Variants in NLRP5 observed in about 807,000 individuals in gnomAD.
NLRP5 encodes the protein NLR family pyrin domain containing 5.
A neutral mutation model predicts 113.1 loss-of-function variants in NLRP5; 93 were observed. The observed-to-expected ratio is 0.82, with a 90% CI of 0.70 to 0.98. The LOEUF (loss-of-function observed/expected upper bound fraction) is 0.98, where lower values mean the gene tolerates loss of function less well. Ranked by LOEUF, NLRP5 falls within the 50% of genes least tolerant of loss-of-function variation. The pLI is 0.00. For missense variants in NLRP5, 1,808 were observed against 1,514.3 expected (o/e 1.19, Z -3.22); for synonymous variants, 751 against 600.7 (o/e 1.25, Z -3.66).
At chr19:55,993,098 C>T in the NLRP5 span, among the ~76,000 whole-genome samples, 1 of 151,900 alleles carries the variant, frequency 6.6e-6, no homozygotes, top group Non-Finnish European at 1.5e-5. Context: ...ATCCACCCAC[C>T]TCGGCCTCCC....
intron 12 of NLRP5, among the ~76,000 whole-genome samples, chr19:56,052,629 T>G (rs1012914860): frequency 3.3e-5 from 5 of 152,122 alleles, no homozygotes; most frequent in Non-Finnish European, 7.4e-5. Flanking sequence ...CCCTCCCCAG[T>G]GCTATCATCC....
chr19:56,008,875 G>T, intron 3 of NLRP5, 22 bp downstream of exon 3: 1 of 1,605,156 alleles, frequency 6.2e-7, no homozygotes, highest in Non-Finnish European at 8.5e-7. Flanking sequence ...GGAGTTGGGG[G>T]AAATAGGATG....
chr19:56,030,456 T>TG (rs1479822738), intron 7 of NLRP5, among the ~76,000 whole-genome samples: 4 of 152,144 alleles, frequency 2.6e-5, no homozygotes, highest in East Asian at 3.9e-4. Context: ...TACCTTTGGT[T>TG]GGAAAACAAG....
chr19:56,015,690 G>C (rs1334783536), intron 3 of NLRP5, 52 bp from the exon 4 acceptor site: 6 of 1,431,630 alleles, frequency 4.2e-6, no homozygotes, highest in Non-Finnish European at 5.7e-6. Flanking sequence ...TCTCTGATTT[G>C]AATAATATAC....
chr19:56,057,378 GA>G (rs1402837851), intron 13 of NLRP5, among the ~76,000 whole-genome samples: 1 of 148,126 alleles, frequency 6.8e-6, no homozygotes, highest in Non-Finnish European at 1.5e-5. Flanking sequence ...CTCTTAAGAT[GA>G]AATTCTAAAC....
At chr19:56,058,558 G>A in intron 14 of NLRP5, 148 bp downstream of exon 14, 1 of 661,660 alleles carries the variant, frequency 1.5e-6, no homozygotes, top group Non-Finnish European at 2.5e-6. Context: ...TACGTTCTGA[G>A]TACCATGCTG....
chr19:55,987,868 C>T, the NLRP5 span: 147 of 1,613,980 alleles, frequency 9.1e-5, no homozygotes, highest in Non-Finnish European at 1.1e-4. Context: ...CTCACCCACC[C>T]GACTTCACGG....
intron 3 of NLRP5, among the ~76,000 whole-genome samples, chr19:56,009,701 C>T (rs1030439941): frequency 1.3e-5 from 2 of 152,158 alleles, no homozygotes; most frequent in Non-Finnish European, 2.9e-5. Context: ...TGCATAGACA[C>T]CATGAATTCT....
chr19:56,023,095 C>A (rs1341111985), intron 6 of NLRP5, among the ~76,000 whole-genome samples: 1 of 152,166 alleles, frequency 6.6e-6, no homozygotes, highest in Admixed American at 6.5e-5. Flanking sequence ...GAGTTAGACA[C>A]ACAAGTCTGG....
chr19:56,029,615 A>G (rs976789225), intron 7 of NLRP5, among the ~76,000 whole-genome samples: 5 of 152,282 alleles, frequency 3.3e-5, no homozygotes, highest in Admixed American at 3.3e-4. Context: ...TGAATAGTGC[A>G]GGTCTAGAAA....
chr19:56,005,196 TATACAC>T lies in NLRP5; in HGVS notation c.442+1115_442+1120del, dbSNP rs1168290976. Among the ~76,000 whole-genome samples the T allele has an allele frequency of 3.2e-3, 443 of 140,010 alleles. 1 individual carries two copies. The highest frequency in any genetic ancestry group is 4.7e-3 in the Non-Finnish European group (307 of 65,448). 91.9% of individuals were successfully genotyped at this position (140,010 alleles called of 152,430 possible). A position where few individuals can be genotyped will look rare whatever the true frequency, so the allele number is the denominator to read the frequency against. On this transcript the variant is annotated intron_variant, in intron 2 of 14. Transcript: ENST00000390649. ...TTTTATATATACACACATATTTTTA[TATACAC>T]ATACACATACACACATATACACATA...
intron 6 of NLRP5, among the ~76,000 whole-genome samples, chr19:56,024,346 AAAAAAAAAAAG>A (rs1234191397): frequency 1.4e-5 from 2 of 144,452 alleles, no homozygotes; most frequent in African/African-American, 5.1e-5. Flanking sequence ...TGCTTAAAAA[AAAAAAAAAAAG>A]AACAAATATA....
intron 11 of NLRP5, among the ~76,000 whole-genome samples, chr19:56,045,467 GGTTA>G (rs1983687874): frequency 6.6e-6 from 1 of 151,942 alleles, no homozygotes; most frequent in African/African-American, 2.4e-5. Flanking sequence ...ACAACATGCA[GGTTA>G]GTTACATATG....
At chr19:56,052,110 C>G (rs930393502) in intron 12 of NLRP5, among the ~76,000 whole-genome samples, 10 of 152,180 alleles carry the variant, frequency 6.6e-5, no homozygotes, top group Admixed American at 5.9e-4. Flanking sequence ...GCGCCAATGA[C>G]TAGGTCACCC....
intron 1 of NLRP5, 109 bp from the exon 2 acceptor site, chr19:56,003,627 A>G: frequency 1.5e-6 from 2 of 1,301,448 alleles, no homozygotes; most frequent in Non-Finnish European, 2.1e-6. Context: ...TCGTCCATGA[A>G]GAATTGAAAA....
intron 4 of NLRP5, chr19:56,018,633 G>C (rs1355894083): frequency 6.6e-6 from 1 of 152,076 alleles, no homozygotes; most frequent in African/African-American, 2.4e-5. Flanking sequence ...GTATTGCTGA[G>C]ACTACAATGC....
chr19:55,999,777 T>C lies in NLRP5; in HGVS notation c.52T>C (p.Ser18Pro). 1 of 1,613,400 alleles carries C rather than the reference T, an allele frequency of 6.2e-7. No homozygotes were observed. Among genetic ancestry groups the C allele is most frequent in the Non-Finnish European group, 8.5e-7 (1 of 1,179,428 alleles). ...TGGAGCTGCTGCTCTGCTCTCAGCA[T>C]CACCACGTGCGTCGACAGCCTCTTA... is the stretch of plus-strand genomic sequence containing the variant. The change falls in exon 1 of 15, where the codon TCA becomes CCA. Residue 18 changes from serine (S) to proline (P), a missense_variant. Transcript: ENST00000390649.
chr19:56,024,979 A>G (rs889388920), intron 6 of NLRP5, among the ~76,000 whole-genome samples: 3 of 152,010 alleles, frequency 2.0e-5, no homozygotes, highest in Non-Finnish European at 4.4e-5. Flanking sequence ...GTCAGATCGG[A>G]TGTGGCATTT....
intron 11 of NLRP5, among the ~76,000 whole-genome samples, chr19:56,046,104 T>C (rs1983712763): frequency 6.6e-6 from 1 of 152,224 alleles, no homozygotes; most frequent in Non-Finnish European, 1.5e-5. Context: ...CATAGATAGC[T>C]TTTATTACAT....
Sources: gnomAD v4.1 joint callset for allele counts (sites outside exome capture counted in the v4.1 genomes callset) on GRCh38, gnomAD v4.1.1 for gene constraint, MANE v1.5 for transcripts, NCBI Gene and HGNC (gene_info 2026-07-23, HGNC 2026-07-21) for gene names.